PGAP2: variants seen among roughly 807,000 people sequenced by gnomAD.
PGAP2 encodes post-GPI attachment to proteins 2.
Under a neutral mutation model 33.2 loss-of-function variants are expected in PGAP2, and 21 were observed. That is an observed-to-expected ratio of 0.63 (90% confidence interval 0.45 to 0.91). The LOEUF (loss-of-function observed/expected upper bound fraction) is 0.91, where lower values mean the gene tolerates loss of function less well. Among genes scored for constraint, PGAP2 ranks in the 40% least tolerant of loss-of-function variants. PGAP2 has a pLI of 0.00. For missense variants in PGAP2, 345 were observed against 424.0 expected (o/e 0.81, Z 1.64); for synonymous variants, 161 against 172.9 (o/e 0.93, Z 0.54).
chr11:3,816,832 C>G (rs2087141252), intron 2 of PGAP2, among the ~76,000 whole-genome samples: 1 of 152,166 alleles, frequency 6.6e-6, no homozygotes, highest in Admixed American at 6.5e-5. Flanking sequence ...AGTGGGAGGG[C>G]TTTGGCCATT....
At chr11:3,820,647 T>C (rs1332145286) in intron 3 of PGAP2, among the ~76,000 whole-genome samples, 1 of 149,000 alleles carries the variant, frequency 6.7e-6, no homozygotes, top group Non-Finnish European at 1.5e-5. Context: ...GCAACAAGAG[T>C]GAAACTCCAT....
At chr11:3,822,869 G>C (rs1221519566) in intron 3 of PGAP2, 2 of 1,117,728 alleles carry the variant, frequency 1.8e-6, no homozygotes, top group East Asian at 5.2e-5. Flanking sequence ...CAAGACACCA[G>C]TCCCTGCAGC....
At chr11:3,798,824 G>A (rs963410891) in intron 1 of PGAP2, among the ~76,000 whole-genome samples, 2 of 148,414 alleles carry the variant, frequency 1.3e-5, no homozygotes, top group Non-Finnish European at 1.5e-5. Flanking sequence ...TGTATTTTTA[G>A]TAGAGATGGG....
Position 3,823,883 on chromosome 11 carries a change from G to C in PGAP2, c.349G>C (p.Val117Leu). 1 of 1,602,544 alleles carries C rather than the reference G, an allele frequency of 6.2e-7. No homozygotes were observed. The highest frequency in any genetic ancestry group is 2.2e-5 in the East Asian group (1 of 44,874). ...GCCCAGACAGGTCACAACTCTCTAG[G>C]TGCCCAATTACCTGCCCTCGGTGAG... Reference protein sequence around the residue: ...FEYTVATDCGVPNYLPSVSSA... With the variant: ...FEYTVATDCGLPNYLPSVSSA... The change falls in exon 4 of 7, where the codon GTG (valine) becomes CTG (leucine). Residue 117 changes from valine to leucine, a missense_variant and splice_region_variant. Physicochemically the swap from Val to Leu is conservative, Grantham distance 32. Around this residue, in one of 2 missense-constraint regions of PGAP2, gnomAD observed 311 missense variants for 353.6 expected, o/e 0.88. Transcript: ENST00000278243.
Position 3,825,044 on chromosome 11 carries a change from C to T in PGAP2, c.733C>T (p.Gln245Ter). Residue 245 changes from glutamine to a stop codon, truncating the protein, a stop_gained, in exon 6 of 7, where the codon CAG becomes TAG. Coordinates refer to ENST00000278243, the MANE Select transcript of PGAP2 (RefSeq NM_014489.4). LOFTEE classifies it high-confidence loss of function. ...QEDRKSYSWK[Q>*]RLFIINFISF... Reference sequence around the variant, plus strand: ...GGATCGCAAGTCCTACAGCTGGAAACAGCGGCTCTTCATCATCAACTTCAT... The same window carrying T: ...GGATCGCAAGTCCTACAGCTGGAAATAGCGGCTCTTCATCATCAACTTCAT... 1 of 1,614,214 alleles carries T rather than the reference C, an allele frequency of 6.2e-7. No homozygotes were observed. Among genetic ancestry groups the T allele is most frequent in the Non-Finnish European group, 8.5e-7 (1 of 1,180,034 alleles).
upstream of PGAP2, among the ~76,000 whole-genome samples, chr11:3,805,591 G>C (rs2084178649): frequency 6.7e-6 from 1 of 148,470 alleles, no homozygotes; most frequent in Middle Eastern, 3.6e-3. Flanking sequence ...TTTACAGGCT[G>C]GGCACGGTGG....
In PGAP2 at chr11:3,817,378, C is replaced by T. The variant is rs765933929; in HGVS notation, c.191C>T (p.Ala64Val). The change falls in exon 3 of 7, where the codon GCG (alanine) becomes GTG (valine). Residue 64 changes from alanine (A) to valine (V), a missense_variant. By Grantham distance (64) the Ala-to-Val change is moderately conservative. Around this residue, in one of 2 missense-constraint regions of PGAP2, gnomAD observed 311 missense variants for 353.6 expected, o/e 0.88. Coordinates refer to ENST00000278243, the MANE Select transcript of PGAP2 (RefSeq NM_014489.4). Reference sequence around the variant, plus strand: ...GCCACGCCCTGCAGGATGTTCTCTGCGGCCTCCCAGCCTTTGGACCCCGAT... The same window carrying T: ...GCCACGCCCTGCAGGATGTTCTCTGTGGCCTCCCAGCCTTTGGACCCCGAT... Reference protein sequence around the residue: ...CGATPCRMFSAASQPLDPDGT... With the variant: ...CGATPCRMFSVASQPLDPDGT... 59 of 1,613,094 alleles carry T rather than the reference C, an allele frequency of 3.7e-5. No homozygotes were observed. The highest frequency in any genetic ancestry group is 3.3e-4 in the Middle Eastern group (2 of 6,076).
At chr11:3,803,080 G>T (rs1193839022) in intron 1 of PGAP2, among the ~76,000 whole-genome samples, 3 of 150,522 alleles carry the variant, frequency 2.0e-5, no homozygotes, top group Non-Finnish European at 3.0e-5. Flanking sequence ...TGCAACCTCC[G>T]CCTCCTGGGT....
At chr11:3,805,799 G>T (rs1177311885), upstream of PGAP2, among the ~76,000 whole-genome samples, 3 of 151,652 alleles carry the variant, frequency 2.0e-5, no homozygotes, top group African/African-American at 7.3e-5. Flanking sequence ...TGATTCTCCT[G>T]CCTCAGCCTC....
rs779344096 is a variant in PGAP2, at chr11:3,811,370, C to T, written c.111C>T (p.Cys37=). ...GTCCACTTGTCGCCTTCCTCTTCTG[C>T]ATCCTCTGGTCCCTGCTCTTCCACT... ...VCCPLVAFLF[C]ILWSLLFHFK... The change falls in exon 2 of 7, where the codon TGC becomes TGT. Residue 37 remains cysteine, a synonymous_variant. Transcript: ENST00000278243. The surrounding 1 kb of genome is among the most constrained non-coding windows in gnomAD (Gnocchi z 4.6). The T allele has an allele frequency of 7.4e-6, 12 of 1,614,034 alleles. No individual in the cohort carries two copies. Among genetic ancestry groups the T allele is most frequent in the Non-Finnish European group, 1.7e-6 (2 of 1,179,986 alleles).
At chr11:3,810,738 G>A (rs1189124077) in intron 1 of PGAP2, among the ~76,000 whole-genome samples, 1 of 152,184 alleles carries the variant, frequency 6.6e-6, no homozygotes, top group Non-Finnish European at 1.5e-5. Context: ...TGCGGTGCAG[G>A]CACACAGAGC....
Position 3,823,979 on chromosome 11 carries a change from C to G in PGAP2, c.445C>G (p.Arg149Gly). 1 of 1,613,068 alleles carries G rather than the reference C, an allele frequency of 6.2e-7. No individual in the cohort carries two copies. The highest frequency in any genetic ancestry group is 8.5e-7 in the Non-Finnish European group (1 of 1,180,024). The change falls in exon 4 of 7, where the codon CGC becomes GGC. Residue 149 changes from arginine (R) to glycine (G), a missense_variant. This residue lies in a region of PGAP2 where 311 missense variants were observed against 353.6 expected (regional missense o/e 0.88). Coordinates refer to ENST00000278243, the MANE Select transcript of PGAP2 (RefSeq NM_014489.4). ...CTGCATCGGCCTGCACTCGGCGCCTCGCTTCTTGGTGGCCTTCGCCTACTG... is the reference window on the plus strand; with the variant it reads ...CTGCATCGGCCTGCACTCGGCGCCTGGCTTCTTGGTGGCCTTCGCCTACTG... ...RFCIGLHSAP[R>G]FLVAFAYWNH...
chr11:3,802,951 C>T lies in PGAP2; in HGVS notation c.139+4969C>T, dbSNP rs1184038551. Among the ~76,000 whole-genome samples the T allele has an allele frequency of 2.7e-5, 4 of 150,390 alleles. 1 individual carries two copies. The highest frequency in any genetic ancestry group is 4.2e-4 in the South Asian group (2 of 4,752). ...ACGCCATTCTCCTGCCTCAGCCTCC[C>T]GAGTAGCTGGGACTACAGGCGCCTG... On this transcript the variant is annotated intron_variant, in intron 1 of 6. Coordinates refer to the PGAP2 transcript ENST00000300730.
At chr11:3,797,930 A>T (rs2082783584) in exon 1 of PGAP2, 1 of 1,547,870 alleles carries the variant, frequency 6.5e-7, no homozygotes. Flanking sequence ...GAGCGCCGCG[A>T]CTCGGGCTGA....
intron 3 of PGAP2, among the ~76,000 whole-genome samples, chr11:3,820,412 C>T (rs1409410801): frequency 6.6e-6 from 1 of 152,188 alleles, no homozygotes; most frequent in Admixed American, 6.5e-5. Flanking sequence ...GGCATGTTGG[C>T]TCACGCCTGT....
Position 3,825,694 on chromosome 11 carries a change from A to T in PGAP2, c.*236A>T. 3 of 305,772 alleles carry T rather than the reference A, an allele frequency of 9.8e-6. No individual in the cohort carries two copies. Among genetic ancestry groups the T allele is most frequent in the Non-Finnish European group, 1.8e-5 (3 of 162,396 alleles). 18.9% of individuals were successfully genotyped at this position (305,772 alleles called of 1,614,324 possible). A position where few individuals can be genotyped will look rare whatever the true frequency, so the allele number is the denominator to read the frequency against. Reference sequence around the variant, plus strand: ...TTACCTGAGAGGCCCCAAGAAGCTGAGCTGGCAGAGAGCTCCACCATTTGG... The same window carrying T: ...TTACCTGAGAGGCCCCAAGAAGCTGTGCTGGCAGAGAGCTCCACCATTTGG... On this transcript the variant is annotated 3_prime_UTR_variant, in exon 7 of 7. Transcript: ENST00000278243.
At chr11:3,814,743 C>T (rs1180599186) in intron 2 of PGAP2, among the ~76,000 whole-genome samples, 1 of 100,144 alleles carries the variant, frequency 1.0e-5, no homozygotes, top group African/African-American at 2.9e-5. Flanking sequence ...TTCCTTCTTT[C>T]CTTCTTTTCT....
chr11:3,806,710 T>C (rs1357023599), upstream of PGAP2, among the ~76,000 whole-genome samples: 2 of 152,200 alleles, frequency 1.3e-5, no homozygotes, highest in Admixed American at 1.3e-4. Flanking sequence ...TTTCCCTGTT[T>C]TCCATTGTAA....
intron 2 of PGAP2, among the ~76,000 whole-genome samples, chr11:3,812,902 C>A (rs940717794): frequency 6.6e-6 from 1 of 152,096 alleles, no homozygotes; most frequent in East Asian, 1.9e-4. Flanking sequence ...AAGAACTGGA[C>A]GAAAAGGGCG....
Sources: gnomAD v4.1 joint callset for allele counts (sites outside exome capture counted in the v4.1 genomes callset) on GRCh38, gnomAD v4.1.1 for gene constraint, gnomAD v4.1.1 regional missense constraint, Gnocchi (gnomAD v3.1) non-coding constraint, MANE v1.5 for transcripts, NCBI Gene and HGNC (gene_info 2026-07-23, HGNC 2026-07-21) for gene names.